IQSEC1: variants seen among roughly 807,000 people sequenced by gnomAD.
IQSEC1 encodes IQ motif and Sec7 domain ArfGEF 1.
In IQSEC1, 31 loss-of-function variants were observed where a neutral mutation model predicts 91.0. The observed-to-expected ratio is 0.34, with a 90% CI of 0.26 to 0.46. The LOEUF (loss-of-function observed/expected upper bound fraction) is 0.46, where lower values mean the gene tolerates loss of function less well. IQSEC1 is among the 20% of genes least tolerant of loss of function. IQSEC1 has a pLI of 1.00. For missense variants in IQSEC1, 1,388 were observed against 1,575.6 expected (o/e 0.88, Z 2.02); for synonymous variants, 699 against 662.6 (o/e 1.05, Z -0.84).
At chr3:13,077,605 G>A (rs1272178444), upstream of IQSEC1, among the ~76,000 whole-genome samples, 9 of 152,184 alleles carry the variant, frequency 5.9e-5, no homozygotes, top group African/African-American at 1.2e-4. Context: ...ACATGGGCTC[G>A]GGCTCTGGTG....
At chr3:12,953,912 G>A (rs1318040563) in intron 1 of IQSEC1, among the ~76,000 whole-genome samples, 1 of 152,236 alleles carries the variant, frequency 6.6e-6, no homozygotes, top group African/African-American at 2.4e-5. Context: ...CAGTGAGAGT[G>A]TTCCAGGAAG....
At chr3:12,950,523 T>G (rs1699471888) in intron 1 of IQSEC1, among the ~76,000 whole-genome samples, 1 of 152,106 alleles carries the variant, frequency 6.6e-6, no homozygotes, top group South Asian at 2.1e-4. Flanking sequence ...TTTAAAAATA[T>G]TAGCTGGGCA....
intron 2 of IQSEC1, among the ~76,000 whole-genome samples, chr3:13,104,283 T>C (rs918524791): frequency 2.5e-4 from 38 of 152,020 alleles, no homozygotes; most frequent in African/African-American, 8.9e-4. Flanking sequence ...AAATCTAGAG[T>C]ATTTCATCTG....
In IQSEC1 at chr3:13,257,011, G is replaced by A. The variant is rs146131589; in HGVS notation, c.272+25700C>T. Among the ~76,000 whole-genome samples, 642 of 152,252 alleles carry A rather than the reference G, an allele frequency of 4.2e-3. 8 individuals carry two copies. The highest frequency in any genetic ancestry group is 0.014 in the African/African-American group (602 of 41,544). ...CAGACAAGCTCCTTAACCTCTCTGT[G>A]CCCAGTTTTCCCTTTTGTAAAAAAG... On this transcript the variant is annotated intron_variant, in intron 1 of 15. Coordinates refer to the IQSEC1 transcript ENST00000648114.
chr3:13,058,022 C>T (rs1399333375), intron 1 of IQSEC1, among the ~76,000 whole-genome samples: 2 of 152,238 alleles, frequency 1.3e-5, no homozygotes, highest in Admixed American at 1.3e-4. Flanking sequence ...CCTATAATCC[C>T]CATACTTTGG....
chr3:13,191,746 A>G (rs1694037237), intron 1 of IQSEC1, among the ~76,000 whole-genome samples: 1 of 152,168 alleles, frequency 6.6e-6, no homozygotes, highest in South Asian at 2.1e-4. Flanking sequence ...CTAGCTTTAA[A>G]GCTACTATGT....
chr3:13,134,237 G>A (rs936264722), intron 2 of IQSEC1, among the ~76,000 whole-genome samples: 3 of 152,228 alleles, frequency 2.0e-5, no homozygotes, highest in African/African-American at 2.4e-5. Flanking sequence ...CAGATATGCA[G>A]GGGCTGCAGG....
intron 1 of IQSEC1, among the ~76,000 whole-genome samples, chr3:13,192,773 A>T (rs1694059137): frequency 6.6e-6 from 1 of 152,200 alleles, no homozygotes; most frequent in African/African-American, 2.4e-5. Context: ...GACATTTCCC[A>T]CAGGCCCTGT....
At chr3:13,001,716 A>AT (rs1702431153) in intron 1 of IQSEC1, among the ~76,000 whole-genome samples, 1 of 152,206 alleles carries the variant, frequency 6.6e-6, no homozygotes, top group Non-Finnish European at 1.5e-5. Flanking sequence ...TTGTCAAATG[A>AT]TTTTTTACAA....
At chr3:12,901,547 A>C (rs1216288067) in intron 13 of IQSEC1, 25 bp from the exon 14 acceptor site, 1 of 1,532,604 alleles carries the variant, frequency 6.5e-7, no homozygotes, top group Non-Finnish European at 8.8e-7. Flanking sequence ...CATAGAAATC[A>C]AAATTAAAAG....
rs1695802583 is a variant in IQSEC1, at chr3:13,282,073, G to A, written c.272+638C>T. Reference sequence around the variant, plus strand: ...CAGGGCTGCTGGACAGCCCCGCCCTGTACCTCTCCCCATCCCTCACTTAAT... The same window carrying A: ...CAGGGCTGCTGGACAGCCCCGCCCTATACCTCTCCCCATCCCTCACTTAAT... On this transcript the variant is annotated intron_variant, in intron 1 of 15. Coordinates refer to the IQSEC1 transcript ENST00000648114. This position sits in a 1 kb window ranked among gnomAD's most constrained non-coding sequence, Gnocchi z 6.4. Among the ~76,000 whole-genome samples the A allele has an allele frequency of 6.6e-6, 1 of 152,174 alleles. No individual in the cohort carries two copies. The highest frequency in any genetic ancestry group is 2.4e-5 in the African/African-American group (1 of 41,456).
At chr3:13,069,059 A>G (rs1191286730) in intron 1 of IQSEC1, among the ~76,000 whole-genome samples, 1 of 152,240 alleles carries the variant, frequency 6.6e-6, no homozygotes, top group Non-Finnish European at 1.5e-5. Flanking sequence ...TCTGAGTTAT[A>G]ACCAGGACCT....
At chr3:13,250,655 C>T (rs1691046446) in intron 1 of IQSEC1, among the ~76,000 whole-genome samples, 1 of 151,048 alleles carries the variant, frequency 6.6e-6, no homozygotes, top group African/African-American at 2.4e-5. Flanking sequence ...TTAGTAGAGA[C>T]ACGGTTTCGC....
chr3:13,114,669 C>T (rs567953433), intron 2 of IQSEC1, among the ~76,000 whole-genome samples: 16 of 151,376 alleles, frequency 1.1e-4, no homozygotes, highest in African/African-American at 2.7e-4. Flanking sequence ...GGTGGGTGCC[C>T]GTAATCCCAG....
At chr3:13,062,360 T>G (rs1404086133) in intron 1 of IQSEC1, among the ~76,000 whole-genome samples, 1 of 152,238 alleles carries the variant, frequency 6.6e-6, no homozygotes, top group African/African-American at 2.4e-5. Flanking sequence ...CATTCTGTCC[T>G]GATGGCCACC....
chr3:13,215,198 C>T (rs1694521428), intron 1 of IQSEC1, among the ~76,000 whole-genome samples: 1 of 152,058 alleles, frequency 6.6e-6, no homozygotes, highest in African/African-American at 2.4e-5. Context: ...AAGCCTCCGC[C>T]AGTGGGATGG....
chr3:13,014,564 TA>T (rs936996824), intron 1 of IQSEC1, among the ~76,000 whole-genome samples: 2 of 152,140 alleles, frequency 1.3e-5, no homozygotes, highest in Non-Finnish European at 2.9e-5. Flanking sequence ...GCTCCAGTCC[TA>T]AGGAAAGGGC....
chr3:13,115,739 G>A (rs1048051486), intron 2 of IQSEC1, among the ~76,000 whole-genome samples: 12 of 152,234 alleles, frequency 7.9e-5, no homozygotes, highest in African/African-American at 2.2e-4. Context: ...CTCTCCGGGC[G>A]CTGAATGCAC....
At chr3:12,969,201 A>G (rs576455832) in intron 1 of IQSEC1, among the ~76,000 whole-genome samples, 20 of 152,338 alleles carry the variant, frequency 1.3e-4, no homozygotes, top group African/African-American at 4.6e-4. Flanking sequence ...TAGTGTCCAT[A>G]GTACATAAAG....
Sources: gnomAD v4.1 joint callset for allele counts (sites outside exome capture counted in the v4.1 genomes callset) on GRCh38, gnomAD v4.1.1 for gene constraint, Gnocchi (gnomAD v3.1) non-coding constraint, MANE v1.5 for transcripts, NCBI Gene and HGNC (gene_info 2026-07-23, HGNC 2026-07-21) for gene names.